Variants in PPARGC1A observed in about 807,000 individuals in gnomAD.
PPARGC1A encodes PPARG coactivator 1 alpha, also known as peroxisome proliferator-activated receptor gamma coactivator 1-alpha.
PPARGC1A carries 25 observed loss-of-function variants against 88.7 expected under a neutral mutation model. The ratio of observed to expected loss-of-function variants is 0.28; its 90% CI spans 0.21 to 0.39. The LOEUF (loss-of-function observed/expected upper bound fraction) is 0.39, where lower values mean the gene tolerates loss of function less well. PPARGC1A is among the 10% of genes least tolerant of loss of function. The probability of loss-of-function intolerance (pLI) is 1.00; values close to 1 mark genes in which losing one functional copy is unlikely to be tolerated. For synonymous variants in PPARGC1A, 363 were observed against 355.6 expected (o/e 1.02, Z -0.24); for missense variants, 880 against 968.7 (o/e 0.91, Z 1.22).
chr4:24,252,789 T>C, the PPARGC1A span, among the ~76,000 whole-genome samples: 1 of 152,254 alleles, frequency 6.6e-6, no homozygotes, highest in East Asian at 1.9e-4. Context: ...TCAAATGTTA[T>C]CATCGTTTTG....
chr4:23,797,143 G>A (rs1717751497), intron 12 of PPARGC1A, among the ~76,000 whole-genome samples: 1 of 151,936 alleles, frequency 6.6e-6, no homozygotes, highest in Admixed American at 6.6e-5. Context: ...TTTTCAGCAA[G>A]TTTTTTAAGG....
the PPARGC1A span, among the ~76,000 whole-genome samples, chr4:24,295,643 T>C: frequency 1.3e-5 from 2 of 150,940 alleles, no homozygotes; most frequent in Admixed American, 6.6e-5. Context: ...TGAATATATA[T>C]ATTCATAGTT....
At chr4:24,114,434 A>G in the PPARGC1A span, among the ~76,000 whole-genome samples, 3 of 152,218 alleles carry the variant, frequency 2.0e-5, no homozygotes, top group Non-Finnish European at 4.4e-5. Context: ...AGGTCTGGAA[A>G]AAACAGGGTT....
the PPARGC1A span, among the ~76,000 whole-genome samples, chr4:24,265,847 T>C: frequency 2.1e-5 from 3 of 145,472 alleles, no homozygotes; most frequent in Admixed American, 1.4e-4. Flanking sequence ...GGCAAAAGAA[T>C]AGAGAGAAAG....
intron 2 of PPARGC1A, among the ~76,000 whole-genome samples, chr4:23,844,774 GAT>G (rs1223621346): frequency 2.9e-5 from 3 of 104,456 alleles, no homozygotes; most frequent in African/African-American, 4.0e-5. Flanking sequence ...AATAATATAT[GAT>G]ATATATTATA....
chr4:24,026,302 TG>T, the PPARGC1A span, among the ~76,000 whole-genome samples: 2 of 152,156 alleles, frequency 1.3e-5, no homozygotes, highest in Non-Finnish European at 2.9e-5. Flanking sequence ...TTCTGATTCC[TG>T]CCATAGACCC....
the PPARGC1A span, among the ~76,000 whole-genome samples, chr4:23,951,311 A>C: frequency 6.6e-6 from 1 of 152,246 alleles, no homozygotes; most frequent in African/African-American, 2.4e-5. Flanking sequence ...GGAACAGCAC[A>C]AACAAACCCT....
chr4:24,192,954 T>A, the PPARGC1A span, among the ~76,000 whole-genome samples: 1 of 152,206 alleles, frequency 6.6e-6, no homozygotes, highest in Non-Finnish European at 1.5e-5. Flanking sequence ...AAGTTGAAAC[T>A]AATTTGGACA....
chr4:24,361,158 G>C, the PPARGC1A span, among the ~76,000 whole-genome samples: 1 of 152,160 alleles, frequency 6.6e-6, no homozygotes, highest in Non-Finnish European at 1.5e-5. Context: ...AAGGAAGAAG[G>C]AGCCAGCAGA....
At chr4:24,412,430 T>C in the PPARGC1A span, among the ~76,000 whole-genome samples, 1 of 152,194 alleles carries the variant, frequency 6.6e-6, no homozygotes, top group Non-Finnish European at 1.5e-5. Context: ...TTTAATGATG[T>C]GAAAATTACA....
At chr4:24,162,853 C>A in the PPARGC1A span, among the ~76,000 whole-genome samples, 1 of 151,960 alleles carries the variant, frequency 6.6e-6, no homozygotes, top group South Asian at 2.1e-4. Context: ...CTCGGCCTCC[C>A]AAAGTGCTGG....
the PPARGC1A span, among the ~76,000 whole-genome samples, chr4:23,969,329 C>T: frequency 7.2e-5 from 11 of 152,066 alleles, no homozygotes; most frequent in African/African-American, 2.7e-4. Flanking sequence ...CCCATGAGGC[C>T]GGGATTATCT....
At chr4:24,458,949 A>G in the PPARGC1A span, among the ~76,000 whole-genome samples, 1 of 152,194 alleles carries the variant, frequency 6.6e-6, no homozygotes, top group African/African-American at 2.4e-5. Context: ...ATAAATCAAA[A>G]TATCTGTGAT....
At position 23,889,925 on chromosome 4, in the gene PPARGC1A, C is replaced by T. The variant is rs1717571471; in HGVS notation, c.33G>A (p.Glu11=). 11 of 1,613,900 alleles carry T rather than the reference C, an allele frequency of 6.8e-6. No individual in the cohort carries two copies. The highest frequency in any genetic ancestry group is 9.3e-6 in the Non-Finnish European group (11 of 1,179,838). MAWDMCNQDS[E]SVWSDIECAA... is the part of the protein sequence containing the mutation. ...TCACCTCGATGTCACTCCATACAGA[C>T]TCAGAGTCCTGGTTGCACATGTCCC... is the stretch of plus-strand genomic sequence containing the variant. Residue 11 remains glutamate (E), a synonymous_variant, in exon 1 of 13, where the codon GAG becomes GAA. Coordinates refer to ENST00000264867, the MANE Select transcript of PPARGC1A (RefSeq NM_013261.5).
chr4:24,187,327 C>G, the PPARGC1A span, among the ~76,000 whole-genome samples: 1 of 151,996 alleles, frequency 6.6e-6, no homozygotes, highest in Non-Finnish European at 1.5e-5. Flanking sequence ...GCCCATTATA[C>G]AGATAAAAAC....
chr4:23,934,518 A>T, the PPARGC1A span, among the ~76,000 whole-genome samples: 1 of 152,182 alleles, frequency 6.6e-6, no homozygotes, highest in Non-Finnish European at 1.5e-5. Context: ...GTTACTTGGA[A>T]CAATTGGGAT....
At chr4:24,389,423 G>A in the PPARGC1A span, among the ~76,000 whole-genome samples, 1 of 152,158 alleles carries the variant, frequency 6.6e-6, no homozygotes, top group Admixed American at 6.5e-5. Context: ...TATTAGCTTA[G>A]AGACCCTCAA....
upstream of PPARGC1A, among the ~76,000 whole-genome samples, chr4:23,893,650 G>T (rs970142670): frequency 6.6e-6 from 1 of 152,116 alleles, no homozygotes; most frequent in African/African-American, 2.4e-5. Flanking sequence ...ATAAAAAGGT[G>T]ACCAAGAGCT....
the PPARGC1A span, among the ~76,000 whole-genome samples, chr4:24,351,843 C>A: frequency 3.3e-5 from 5 of 151,672 alleles, no homozygotes; most frequent in African/African-American, 1.2e-4. Flanking sequence ...TTAATATGGT[C>A]TTTTCAAAAA....
Sources: allele counts gnomAD v4.1 joint callset (sites outside exome capture counted in the v4.1 genomes callset), GRCh38; gene constraint gnomAD v4.1.1; transcripts MANE v1.5; gene names NCBI Gene and HGNC (gene_info 2026-07-23, HGNC 2026-07-21).